Variants in MGLL observed in about 807,000 individuals in gnomAD.
MGLL encodes the protein monoglyceride lipase, also known as lysophospholipase homolog.
Under a neutral mutation model 29.1 loss-of-function variants are expected in MGLL, and 7 were observed. That is an observed-to-expected ratio of 0.24 (90% CI 0.14 to 0.45). The LOEUF (loss-of-function observed/expected upper bound fraction) is 0.45, where lower values mean the gene tolerates loss of function less well. Ranked by LOEUF, MGLL falls within the 20% of genes least tolerant of loss-of-function variation. The pLI, the probability that MGLL is intolerant of heterozygous loss-of-function variation, is 0.99. For missense variants in MGLL, 356 were observed against 413.6 expected (o/e 0.86, Z 1.21); for synonymous variants, 148 against 168.3 (o/e 0.88, Z 0.93).
At chr3:127,734,785 G>A (rs1456963465) in intron 3 of MGLL, among the ~76,000 whole-genome samples, 2 of 152,220 alleles carry the variant, frequency 1.3e-5, no homozygotes, top group Admixed American at 6.5e-5. Flanking sequence ...TCTCTCCTCA[G>A]GTGACTAAGC....
intron 3 of MGLL, among the ~76,000 whole-genome samples, chr3:127,744,544 T>C (rs2076405463): frequency 6.6e-6 from 1 of 152,218 alleles, no homozygotes; most frequent in South Asian, 2.1e-4. Context: ...AGCTCTATGA[T>C]GAAAGTTGCA....
chr3:127,708,169 C>T (rs928424767), intron 6 of MGLL, among the ~76,000 whole-genome samples: 1 of 152,228 alleles, frequency 6.6e-6, no homozygotes, highest in Non-Finnish European at 1.5e-5. Flanking sequence ...TGTTAGATGC[C>T]TTTCCCAACA....
At chr3:127,697,549 G>A (rs1187761690) in intron 6 of MGLL, among the ~76,000 whole-genome samples, 1 of 152,110 alleles carries the variant, frequency 6.6e-6, no homozygotes, top group African/African-American at 2.4e-5. Context: ...ACAGAACCTT[G>A]ATGTTTCCTT....
Position 127,726,168 on chromosome 3 carries a change from G to GA in MGLL, c.263-3603dup, listed in dbSNP as rs1340616377. On this transcript the variant is annotated intron_variant, in intron 3 of 7. Transcript: ENST00000265052. ...AGAAAGAAAGAAAGAAAGAAAGAAA[G>GA]AAAGAAAGAAAGAAAGAAAAGAAAA... 1.9e-4 allele frequency among the ~76,000 whole-genome samples: 6 copies of GA among 30,840 alleles called. No individual in the cohort carries two copies. The South Asian group carries it at 4.7e-3, about 24-fold the overall frequency. The allele number at this position is 30,840 out of a possible 152,430, so 20.2% of individuals were successfully genotyped here.
At chr3:127,766,621 C>T (rs1004575590) in intron 3 of MGLL, among the ~76,000 whole-genome samples, 12 of 152,280 alleles carry the variant, frequency 7.9e-5, no homozygotes, top group African/African-American at 2.9e-4. Flanking sequence ...CAAAGAACTC[C>T]GAAGACAGTG....
chr3:127,726,280 GAGGA>G (rs750015801), intron 3 of MGLL, among the ~76,000 whole-genome samples: 8 of 50,370 alleles, frequency 1.6e-4, no homozygotes, highest in South Asian at 5.9e-4. Flanking sequence ...GGGAGGGAGA[GAGGA>G]AGGAAGGAAG....
chr3:127,726,185 AAAAG>A (rs1180345383), intron 3 of MGLL, among the ~76,000 whole-genome samples: 3 of 66,502 alleles, frequency 4.5e-5, no homozygotes, highest in Non-Finnish European at 9.6e-5. Flanking sequence ...AGAAAGAAAG[AAAAG>A]AAAAGAAAGA....
chr3:127,707,355 C>T (rs570741274), intron 6 of MGLL, among the ~76,000 whole-genome samples: 27 of 152,348 alleles, frequency 1.8e-4, no homozygotes, highest in Non-Finnish European at 2.8e-4. Context: ...CTCCTCACCT[C>T]CTCCCACAGC....
chr3:127,800,259 C>T (rs961423985), intron 2 of MGLL, among the ~76,000 whole-genome samples: 1 of 152,214 alleles, frequency 6.6e-6, no homozygotes, highest in Non-Finnish European at 1.5e-5. Context: ...CTGCTCACCT[C>T]TGGACTGCTA....
intron 3 of MGLL, among the ~76,000 whole-genome samples, chr3:127,769,720 G>T (rs1343537987): frequency 6.6e-6 from 1 of 152,218 alleles, no homozygotes; most frequent in African/African-American, 2.4e-5. Flanking sequence ...GTTTGGTTCA[G>T]CATTTCCCCA....
intron 2 of MGLL, among the ~76,000 whole-genome samples, chr3:127,811,365 C>G (rs995837154): frequency 2.9e-4 from 44 of 152,304 alleles, no homozygotes; most frequent in African/African-American, 9.1e-4. Flanking sequence ...TTGCAAGATG[C>G]AAACTATCCC....
chr3:127,742,581 C>T (rs1453211789), intron 3 of MGLL, among the ~76,000 whole-genome samples: 2 of 117,440 alleles, frequency 1.7e-5, no homozygotes, highest in East Asian at 4.8e-4. Flanking sequence ...CAGAGCGAGA[C>T]TCCGTCCCAA....
In MGLL at chr3:127,792,913, G is replaced by A. The variant is rs373948918; in HGVS notation, c.156-11018C>T. Among the ~76,000 whole-genome samples the A allele has an allele frequency of 2.5e-4, 38 of 152,248 alleles. 1 individual carries two copies. The highest frequency in any genetic ancestry group is 8.7e-4 in the African/African-American group (36 of 41,546). On this transcript the variant is annotated intron_variant, in intron 2 of 7. Transcript: ENST00000265052. ...ACACACATGGCAGGTTTTCTGGCCC[G>A]TGTTTTGCTTTTTAACACATCTGGT...
Position 127,692,240 on chromosome 3 carries a change from G to A in MGLL, c.900C>T (p.Val300=). The A allele has an allele frequency of 6.2e-7, 1 of 1,613,986 alleles. No individual in the cohort carries two copies. Among genetic ancestry groups the A allele is most frequent in the Non-Finnish European group, 8.5e-7 (1 of 1,179,972 alleles). ...NSVFHEINMW[V]SQRTATAGTA... is the part of the protein sequence containing the mutation. The stretch of plus-strand genomic sequence containing the variant: ...TTCCTGCCGTGGCTGTCCTTTGAGA[G>A]ACCCACATGTTTATTTCATGGAAGA... Residue 300 remains valine (V), a synonymous_variant, in exon 8 of 8, where the codon GTC becomes GTT. Coordinates refer to ENST00000265052, the MANE Select transcript of MGLL (RefSeq NM_007283.7).
At chr3:127,777,026 C>T (rs1275022224) in intron 3 of MGLL, among the ~76,000 whole-genome samples, 2 of 152,064 alleles carry the variant, frequency 1.3e-5, no homozygotes, top group African/African-American at 2.4e-5. Flanking sequence ...AAGCTATGCC[C>T]TTAGAGAGGG....
intron 5 of MGLL, chr3:127,713,038 G>A (rs964996464): frequency 2.0e-5 from 3 of 152,308 alleles, no homozygotes; most frequent in Non-Finnish European, 4.4e-5. Flanking sequence ...GTGTAAGGAC[G>A]AGTGTTCCAG....
chr3:127,764,564 C>A (rs1000512059), intron 3 of MGLL, among the ~76,000 whole-genome samples: 2 of 152,212 alleles, frequency 1.3e-5, no homozygotes, highest in Non-Finnish European at 2.9e-5. Context: ...ATAATTACCA[C>A]ACCTACTCCA....
intron 5 of MGLL, among the ~76,000 whole-genome samples, chr3:127,719,535 G>C (rs2107619781): frequency 6.6e-6 from 1 of 152,360 alleles, no homozygotes; most frequent in South Asian, 2.1e-4. Flanking sequence ...GTGCATGCCT[G>C]GCATTGGCTG....
At chr3:127,695,255 T>G (rs2075336176) in intron 6 of MGLL, 65 bp from the exon 7 acceptor site, 37 of 1,501,236 alleles carry the variant, frequency 2.5e-5, no homozygotes, top group Non-Finnish European at 3.3e-5. Flanking sequence ...CCAGGCCTAT[T>G]TCCTGGTAGC....
Sources: allele counts gnomAD v4.1 joint callset (sites outside exome capture counted in the v4.1 genomes callset), GRCh38; gene constraint gnomAD v4.1.1; transcripts MANE v1.5; gene names NCBI Gene and HGNC (gene_info 2026-07-23, HGNC 2026-07-21).